The following PLCB1 variants were observed in gnomAD, a reference collection of about 807,000 sequenced individuals.
The protein encoded by PLCB1 is 1-phosphatidylinositol 4,5-bisphosphate phosphodiesterase beta-1.
In PLCB1, 46 loss-of-function variants were observed where a neutral mutation model predicts 161.8. The observed-to-expected ratio is 0.28, with a 90% CI of 0.22 to 0.36. PLCB1 has a LOEUF of 0.36. Ranked by LOEUF, PLCB1 falls within the 10% of genes least tolerant of loss-of-function variation. PLCB1 has a pLI of 1.00. For synonymous variants in PLCB1, 517 were observed against 503.7 expected (o/e 1.03, Z -0.35); for missense variants, 1,016 against 1,472.5 (o/e 0.69, Z 5.07).
chr20:8,162,009 A>C (rs1212076572), intron 2 of PLCB1, among the ~76,000 whole-genome samples: 1 of 152,192 alleles, frequency 6.6e-6, no homozygotes, highest in Non-Finnish European at 1.5e-5. Flanking sequence ...CTATGACTGG[A>C]TAATATTCCT....
At chr20:8,381,709 A>G (rs1463870219) in intron 3 of PLCB1, among the ~76,000 whole-genome samples, 1 of 152,130 alleles carries the variant, frequency 6.6e-6, no homozygotes, top group Non-Finnish European at 1.5e-5. Flanking sequence ...CATTTCTTCT[A>G]GATTTTCTAG....
chr20:8,547,457 A>C (rs576965625), intron 3 of PLCB1, among the ~76,000 whole-genome samples: 1 of 152,282 alleles, frequency 6.6e-6, no homozygotes, highest in South Asian at 2.1e-4. Context: ...TCACCTCCTT[A>C]GTCTAAATAA....
At chr20:8,640,844 A>G (rs1342354801) in intron 4 of PLCB1, among the ~76,000 whole-genome samples, 1 of 152,140 alleles carries the variant, frequency 6.6e-6, no homozygotes, top group Non-Finnish European at 1.5e-5. Context: ...TGTGCCATGG[A>G]CGTTGCTCTT....
At position 8,681,108 on chromosome 20, in the gene PLCB1, AT is replaced by A. The variant is rs753508213; in HGVS notation, c.863-3823del. 1.6e-3 allele frequency among the ~76,000 whole-genome samples: 212 copies of A among 132,526 alleles called. 4 individuals carry two copies. The highest frequency in any genetic ancestry group is 7.6e-3 in the South Asian group (33 of 4,358). 86.9% of individuals were successfully genotyped at this position (132,526 alleles called of 152,430 possible). On this transcript the variant is annotated intron_variant, in intron 9 of 31. Transcript: ENST00000338037. The stretch of plus-strand genomic sequence containing the variant: ...TGTGTATATATATATATATATATAT[AT>A]ATATATATATAATATATATAAAATC...
intron 3 of PLCB1, among the ~76,000 whole-genome samples, chr20:8,513,392 A>G (rs1983974458): frequency 6.6e-6 from 1 of 152,242 alleles, no homozygotes; most frequent in African/African-American, 2.4e-5. Flanking sequence ...GCAATCTATG[A>G]AGTGACAACA....
chr20:8,697,694 G>T lies in PLCB1; in HGVS notation c.1078G>T (p.Val360Leu). 1 of 1,614,212 alleles carries T rather than the reference G, an allele frequency of 6.2e-7. No individual in the cohort carries two copies. The highest frequency in any genetic ancestry group is 8.5e-7 in the Non-Finnish European group (1 of 1,180,026). Reference sequence around the variant, plus strand: ...AGTGCTCCTGTCTGGTTGTCGCTGTGTGGAGCTGGACTGCTGGAAGGGACG... The same window carrying T: ...AGTGCTCCTGTCTGGTTGTCGCTGTTTGGAGCTGGACTGCTGGAAGGGACG... Reference protein sequence around the residue: ...RQVLLSGCRCVELDCWKGRTA... With the variant: ...RQVLLSGCRCLELDCWKGRTA... The change falls in exon 11 of 32, where the codon GTG becomes TTG. Residue 360 changes from valine to leucine, a missense_variant. By Grantham distance (32) the Val-to-Leu change is conservative (BLOSUM62 1). Coordinates refer to ENST00000338037, the MANE Select transcript of PLCB1 (RefSeq NM_015192.4).
At chr20:8,582,647 T>C (rs1025915622) in intron 3 of PLCB1, among the ~76,000 whole-genome samples, 5 of 152,148 alleles carry the variant, frequency 3.3e-5, no homozygotes, top group Non-Finnish European at 1.5e-5. Context: ...GATGAGTGGA[T>C]AAACAAAATG....
chr20:8,333,450 G>A (rs900411838), intron 2 of PLCB1, among the ~76,000 whole-genome samples: 3 of 152,224 alleles, frequency 2.0e-5, no homozygotes, highest in East Asian at 3.9e-4. Flanking sequence ...TTTTGATAAC[G>A]AAAATTTTTA....
intron 2 of PLCB1, among the ~76,000 whole-genome samples, chr20:8,359,636 A>G (rs1239594676): frequency 6.6e-6 from 1 of 152,200 alleles, no homozygotes; most frequent in East Asian, 1.9e-4. Flanking sequence ...GTTAGATTAC[A>G]GGGTATTTAT....
chr20:8,638,721 T>C (rs915344447), intron 4 of PLCB1, among the ~76,000 whole-genome samples: 1 of 152,236 alleles, frequency 6.6e-6, no homozygotes, highest in African/African-American at 2.4e-5. Context: ...TAGGTTACTA[T>C]CATTTAACAA....
At chr20:8,790,302 AT>A in intron 31 of PLCB1, 41 bp downstream of exon 31, 4 of 1,482,530 alleles carry the variant, frequency 2.7e-6, no homozygotes, top group Non-Finnish European at 3.7e-6. Flanking sequence ...ATTTTATTTG[AT>A]TTCCATTTAG....
At chr20:8,551,552 A>G (rs1776024103) in intron 3 of PLCB1, among the ~76,000 whole-genome samples, 1 of 152,010 alleles carries the variant, frequency 6.6e-6, no homozygotes, top group African/African-American at 2.4e-5. Context: ...CCTTTACCAG[A>G]GGGCTTTCTC....
intron 9 of PLCB1, among the ~76,000 whole-genome samples, chr20:8,660,006 A>AAAG (rs1428559862): frequency 6.6e-6 from 1 of 151,536 alleles, no homozygotes; most frequent in Non-Finnish European, 1.5e-5. Context: ...AAAAAAAAAA[A>AAAG]AAGAAGAAGA....
At chr20:8,810,793 A>G (rs1984779569) in intron 31 of PLCB1, among the ~76,000 whole-genome samples, 4 of 152,100 alleles carry the variant, frequency 2.6e-5, no homozygotes, top group South Asian at 2.1e-4. Flanking sequence ...GCAAAACCCT[A>G]TCTCTACAAA....
At chr20:8,827,369 A>T (rs1208234037) in intron 31 of PLCB1, among the ~76,000 whole-genome samples, 4 of 152,172 alleles carry the variant, frequency 2.6e-5, no homozygotes, top group African/African-American at 9.7e-5. Flanking sequence ...GTCTCCCCAG[A>T]GTTATGGCTA....
intron 25 of PLCB1, among the ~76,000 whole-genome samples, chr20:8,761,660 A>G (rs1446366732): frequency 6.6e-6 from 1 of 152,072 alleles, no homozygotes; most frequent in African/African-American, 2.4e-5. Flanking sequence ...CTAGGATTAC[A>G]AGCACGTGCC....
At chr20:8,763,473 C>G (rs1982151506) in intron 25 of PLCB1, among the ~76,000 whole-genome samples, 1 of 152,118 alleles carries the variant, frequency 6.6e-6, no homozygotes, top group Non-Finnish European at 1.5e-5. Flanking sequence ...GCAACCTCTG[C>G]TTCCCAGGTT....
chr20:8,513,382 G>T (rs745804725), intron 3 of PLCB1, among the ~76,000 whole-genome samples: 1 of 152,168 alleles, frequency 6.6e-6, no homozygotes, highest in Non-Finnish European at 1.5e-5. Flanking sequence ...CACAGCAAAA[G>T]CAATCTATGA....
At chr20:8,448,590 T>C (rs1980938919) in intron 3 of PLCB1, among the ~76,000 whole-genome samples, 1 of 152,210 alleles carries the variant, frequency 6.6e-6, no homozygotes. Flanking sequence ...AACACCAGGG[T>C]TCCTTTTGGG....
Sources: gnomAD v4.1 joint callset for allele counts (sites outside exome capture counted in the v4.1 genomes callset) on GRCh38, gnomAD v4.1.1 for gene constraint, MANE v1.5 for transcripts, NCBI Gene and HGNC (gene_info 2026-07-23, HGNC 2026-07-21) for gene names.